FAM186A: variants seen among roughly 807,000 people sequenced by gnomAD.
FAM186A encodes the protein protein FAM186A.
A neutral mutation model predicts 216.8 loss-of-function variants in FAM186A; 163 were observed. The observed-to-expected ratio is 0.75, with a 90% confidence interval of 0.66 to 0.86. The LOEUF is 0.86. Ranked by LOEUF, FAM186A falls within the 40% of genes least tolerant of loss-of-function variation. FAM186A has a pLI of 0.00. For missense variants in FAM186A, 2,184 were observed against 2,746.2 expected, an observed-to-expected ratio of 0.80 and a Z score of 4.58; for synonymous variants, 805 against 1,025.3, an observed-to-expected ratio of 0.79 and a Z score of 4.10.
intron 1 of FAM186A, among the ~76,000 whole-genome samples, chr12:50,364,883 C>G (rs995557298): frequency 3.0e-4 from 46 of 151,514 alleles, no homozygotes; most frequent in African/African-American, 1.1e-3. Context: ...ACTAAAAATA[C>G]AAAAAATAGC....
intron 3 of FAM186A, among the ~76,000 whole-genome samples, chr12:50,360,243 CAAAAAAAA>C (rs59070341): frequency 7.6e-6 from 1 of 132,078 alleles, no homozygotes; most frequent in Non-Finnish European, 1.6e-5. Context: ...TACCCTGTCT[CAAAAAAAA>C]AAAAAAAAAA....
chr12:50,385,805 G>A (rs1307144600), intron 1 of FAM186A, among the ~76,000 whole-genome samples: 1 of 151,990 alleles, frequency 6.6e-6, no homozygotes, highest in Non-Finnish European at 1.5e-5. Context: ...GGGAGACTGA[G>A]GCAGGAGAAT....
chr12:50,353,483 G>A lies in FAM186A; in HGVS notation c.3349C>T (p.Gln1117Ter). The change falls in exon 4 of 8, where the codon CAG becomes TAG. Residue 1117 changes from glutamine to a stop codon, truncating the protein, a stop_gained. Coordinates refer to ENST00000327337, the MANE Select transcript of FAM186A (RefSeq NM_001145475.3). LOFTEE classifies it high-confidence loss of function. ...LGIPLTPQQAQALEILFTPQQ... is the reference protein window; with the variant it reads ...LGIPLTPQQA ...GGGGTGAAAAGGATCTCCAGGGCCT[G>A]GGCCTGCTGAGGGGTGAGAGGGATC... 1 of 1,539,846 alleles carries A rather than the reference G, an allele frequency of 6.5e-7. No individual in the cohort carries two copies. Among genetic ancestry groups the A allele is most frequent in the South Asian group, 1.2e-5 (1 of 81,964 alleles).
Position 50,355,835 on chromosome 12 carries a change from A to G in FAM186A, c.997T>C (p.Ser333Pro). 1 of 1,551,434 alleles carries G rather than the reference A, an allele frequency of 6.4e-7. No individual in the cohort carries two copies. The highest frequency in any genetic ancestry group is 8.7e-7 in the Non-Finnish European group (1 of 1,146,958). Reference protein sequence around the residue: ...AEEKCEQLIRSKIVIEQLYAK... With the variant: ...AEEKCEQLIRPKIVIEQLYAK... Reference sequence around the variant, plus strand: ...TATAGTTGTTCTATAACAATTTTGGATCGAATAAGTTGTTCACATTTTTCT... The same window carrying G: ...TATAGTTGTTCTATAACAATTTTGGGTCGAATAAGTTGTTCACATTTTTCT... The change falls in exon 4 of 8, where the codon TCC becomes CCC. Residue 333 changes from serine to proline, a missense_variant. Physicochemically the swap from Ser to Pro is moderately conservative, Grantham distance 74. Transcript: ENST00000327337.
intron 4 of FAM186A, among the ~76,000 whole-genome samples, chr12:50,348,173 T>C (rs570699106): frequency 1.3e-5 from 2 of 151,134 alleles, no homozygotes; most frequent in African/African-American, 4.9e-5. Context: ...GCGTCCTGAG[T>C]AGCTGGAGGT....
At position 50,351,203 on chromosome 12, in the gene FAM186A, C is replaced by T; in HGVS notation, c.5629G>A (p.Gly1877Arg). Reference protein sequence around the residue: ...SSIPGDLLESGPLTFSEQLQE... With the variant: ...SSIPGDLLESRPLTFSEQLQE... ...AGCTGCTCAGAGAAGGTTAAGGGTC[C>T]AGATTCCAGGAGGTCCCCAGGGATG... is the stretch of plus-strand genomic sequence containing the variant. Residue 1877 changes from glycine to arginine, a missense_variant, in exon 4 of 8, where the codon GGA (glycine) becomes AGA (arginine). Transcript: ENST00000327337. The T allele has an allele frequency of 6.4e-7, 1 of 1,551,592 alleles. No homozygotes were observed. The highest frequency in any genetic ancestry group is 2.4e-5 in the East Asian group (1 of 40,910).
chr12:50,342,639 T>C (rs1044167366), intron 4 of FAM186A, among the ~76,000 whole-genome samples: 4 of 151,572 alleles, frequency 2.6e-5, no homozygotes, highest in Non-Finnish European at 4.4e-5. Flanking sequence ...CACATCTGTC[T>C]AGTTTTGTTT....
Position 50,355,844 on chromosome 12 carries a change from G to C in FAM186A, c.988C>G (p.Leu330Val). ...LQDAEEKCEQ[L>V]IRSKIVIEQL... The stretch of plus-strand genomic sequence containing the variant: ...TCTATAACAATTTTGGATCGAATAA[G>C]TTGTTCACATTTTTCTTCTGCATCT... Residue 330 changes from leucine to valine, a missense_variant, in exon 4 of 8, where the codon CTT becomes GTT. Around this residue, in one of 7 missense-constraint regions of FAM186A, gnomAD observed 1,132 missense variants for 1,263.4 expected, o/e 0.90. Transcript: ENST00000327337. The C allele has an allele frequency of 6.4e-7, 1 of 1,551,294 alleles. No homozygotes were observed. The highest frequency in any genetic ancestry group is 8.7e-7 in the Non-Finnish European group (1 of 1,146,956).
chr12:50,342,938 AT>A (rs66491621), intron 4 of FAM186A, among the ~76,000 whole-genome samples: 134,721 of 141,352 alleles, frequency 0.95, 64,405 homozygotes, highest in East Asian at 1. Context: ...AGACTAGATA[AT>A]TTTTTTTTTT....
intron 7 of FAM186A, among the ~76,000 whole-genome samples, chr12:50,330,370 C>A (rs1016362491): frequency 2.6e-5 from 4 of 152,134 alleles, no homozygotes; most frequent in African/African-American, 9.7e-5. Flanking sequence ...TCAGTGGTGA[C>A]ATCTATAGGC....
chr12:50,350,604 G>A lies in FAM186A; in HGVS notation c.6228C>T (p.Pro2076=). 6.4e-7 allele frequency: 1 copy of A among 1,551,632 alleles called. No individual in the cohort carries two copies. Among genetic ancestry groups the A allele is most frequent in the Non-Finnish European group, 8.7e-7 (1 of 1,146,988 alleles). ...QKSRFPPIDK[P]WILSSVSDTK... Reference sequence around the variant, plus strand: ...TATCTGAAACTGAACTCAGTATCCAGGGCTTGTCTATAGGAGGGAATCGGG... The same window carrying A: ...TATCTGAAACTGAACTCAGTATCCAAGGCTTGTCTATAGGAGGGAATCGGG... Residue 2076 remains proline (P), a synonymous_variant, in exon 4 of 8, where the codon CCC becomes CCT. Coordinates refer to ENST00000327337, the MANE Select transcript of FAM186A (RefSeq NM_001145475.3).
At chr12:50,383,810 C>G (rs1943277015) in intron 1 of FAM186A, among the ~76,000 whole-genome samples, 1 of 151,692 alleles carries the variant, frequency 6.6e-6, no homozygotes, top group Non-Finnish European at 1.5e-5. Context: ...ACATATAAAC[C>G]AGCCTAATGT....
Position 50,333,906 on chromosome 12 carries a change from G to T in FAM186A, c.6696+5C>A. On this transcript the variant is annotated splice_donor_5th_base_variant and intron_variant, in intron 5 of 7. Coordinates refer to ENST00000327337, the MANE Select transcript of FAM186A (RefSeq NM_001145475.3). The stretch of plus-strand genomic sequence containing the variant: ...GCTGGACAGAGGGAGTGGAAAGCAG[G>T]TTACCTGGTTGAATACGTGTATCAT... 3.2e-6 allele frequency: 5 copies of T among 1,549,536 alleles called. No individual in the cohort carries two copies. The highest frequency in any genetic ancestry group is 4.4e-6 in the Non-Finnish European group (5 of 1,146,274).
chr12:50,385,679 T>C (rs1943296284), intron 1 of FAM186A, among the ~76,000 whole-genome samples: 1 of 151,958 alleles, frequency 6.6e-6, no homozygotes, highest in Admixed American at 6.6e-5. Flanking sequence ...GGTGGGTGGA[T>C]CACGAGGTCT....
chr12:50,349,743 G>A (rs939335708), intron 4 of FAM186A, among the ~76,000 whole-genome samples: 4 of 152,008 alleles, frequency 2.6e-5, no homozygotes, highest in African/African-American at 7.3e-5. Flanking sequence ...TCCACCTCCC[G>A]GGTTCAAGCG....
rs903812689 is a variant in FAM186A at position 50,356,182 on chromosome 12, G to A, written c.650C>T (p.Ala217Val). Residue 217 changes from alanine to valine, a missense_variant, in exon 4 of 8, where the codon GCT becomes GTT. Ala to Val is a moderately conservative substitution (Grantham distance 64). Transcript: ENST00000327337. The stretch of plus-strand genomic sequence containing the variant: ...ACTAATCATCTGATCTGGTCTTAAA[G>A]CACGGGCTGTTGAAGGTCGTTTTAT... ...RVIKRPSTAR[A>V]LRPDQMISDQ... The A allele has an allele frequency of 2.3e-5, 36 of 1,551,380 alleles. 1 individual carries two copies. In the Admixed American group the frequency reaches 6.7e-4, roughly 29 times the overall value.
chr12:50,331,727 G>C lies in FAM186A; in HGVS notation c.6791C>G (p.Pro2264Arg). 6.5e-7 allele frequency: 1 copy of C among 1,549,490 alleles called. No homozygotes were observed. The highest frequency in any genetic ancestry group is 8.7e-7 in the Non-Finnish European group (1 of 1,146,580). ...CTCTTCCATTAGTAATTTTAAGAAT[G>C]GCTTTTGAACAAATGTGGTAGAGGC... ...IPASTTFVQKPFLKLLMEEDR... is the reference protein window; with the variant it reads ...IPASTTFVQKRFLKLLMEEDR... Residue 2264 changes from proline (P) to arginine (R), a missense_variant, in exon 6 of 8, where the codon CCA (proline) becomes CGA (arginine). Coordinates refer to ENST00000327337, the MANE Select transcript of FAM186A (RefSeq NM_001145475.3).
rs1309991317 is a variant in FAM186A at position 50,353,743 on chromosome 12, T to C, written c.3089A>G (p.Gln1030Arg). The C allele has an allele frequency of 6.5e-7, 1 of 1,550,212 alleles. No individual in the cohort carries two copies. The highest frequency in any genetic ancestry group is 2.4e-5 in the East Asian group (1 of 40,942). ...GTTCTCTAATGTCTTCAGATTCCTC[T>C]GAAACTCTTTTCCTTCATATGACCG... ...VQRSYEGKEF[Q>R]RNLKTLENLP... The change falls in exon 4 of 8, where the codon CAG (glutamine) becomes CGG (arginine). Residue 1030 changes from glutamine (Q) to arginine (R), a missense_variant. Physicochemically the swap from Gln to Arg is conservative, Grantham distance 43. Coordinates refer to ENST00000327337, the MANE Select transcript of FAM186A (RefSeq NM_001145475.3).
Position 50,391,056 on chromosome 12 carries a change from G to A in FAM186A, c.192+5237C>T, listed in dbSNP as rs552312558. Among the ~76,000 whole-genome samples, 3 of 151,662 alleles carry A rather than the reference G, an allele frequency of 2.0e-5. No homozygotes were observed. The East Asian group carries it at 5.8e-4, about 30-fold the overall frequency. ...CAGGTTGGAGTGTAGTGGTGCGATT[G>A]TGGCTCACTGCAACCTCCACCTCCC... On this transcript the variant is annotated intron_variant, in intron 1 of 7. Coordinates refer to ENST00000327337, the MANE Select transcript of FAM186A (RefSeq NM_001145475.3).
Sources: gnomAD v4.1 joint callset for allele counts (sites outside exome capture counted in the v4.1 genomes callset) on GRCh38, gnomAD v4.1.1 for gene constraint, gnomAD v4.1.1 regional missense constraint, MANE v1.5 for transcripts, NCBI Gene and HGNC (gene_info 2026-07-23, HGNC 2026-07-21) for gene names.